Variants in NBEAL2 observed in about 807,000 individuals in gnomAD.
NBEAL2 encodes the protein neurobeachin-like protein 2.
NBEAL2 carries 160 observed loss-of-function variants against 299.8 expected under a neutral mutation model. The observed-to-expected ratio is 0.53, with a 90% CI of 0.47 to 0.61. NBEAL2 has a LOEUF of 0.61. Ranked by LOEUF, NBEAL2 falls within the 20% of genes least tolerant of loss-of-function variation. The pLI is 0.00. For missense variants in NBEAL2, 3,112 were observed against 3,649.0 expected (o/e 0.85, Z 3.79); for synonymous variants, 1,493 against 1,542.3 (o/e 0.97, Z 0.75).
Position 46,995,379 on chromosome 3 carries a change from C to T in NBEAL2, c.1644C>T (p.Gly548=), listed in dbSNP as rs375797054. 5.1e-5 allele frequency: 82 copies of T among 1,612,364 alleles called. No individual in the cohort carries two copies. The highest frequency in any genetic ancestry group is 6.4e-5 in the Non-Finnish European group (76 of 1,179,772). ...RPRPGLDSEP[G]GAEAGKARHA... is the part of the protein sequence containing the mutation. ...GGCCAGGATTGGACTCGGAACCAGG[C>T]GGAGCTGAGGCTGGAAAGGCCCGAC... is the stretch of plus-strand genomic sequence containing the variant. Residue 548 remains glycine, a synonymous_variant, in exon 13 of 54, where the codon GGC becomes GGT. Coordinates refer to ENST00000450053, the MANE Select transcript of NBEAL2 (RefSeq NM_015175.3).
intron 33 of NBEAL2, 55 bp from the exon 34 acceptor site, chr3:47,002,902 G>T: frequency 6.3e-7 from 1 of 1,596,106 alleles, no homozygotes. Context: ...GGCCAGGGAG[G>T]GATGGGGGTG....
Position 47,002,643 on chromosome 3 carries a change from A to C in NBEAL2, c.5302-2A>C, listed in dbSNP as rs1188824680. Reference sequence around the variant, plus strand: ...GGGACTGACCTATTACCCCCACCCCAGGAGCTGGTGCTGGAACCTGCGCAG... The same window carrying C: ...GGGACTGACCTATTACCCCCACCCCCGGAGCTGGTGCTGGAACCTGCGCAG... On this transcript the variant is annotated splice_acceptor_variant, in intron 32 of 53. Coordinates refer to ENST00000450053, the MANE Select transcript of NBEAL2 (RefSeq NM_015175.3). LOFTEE classifies it high-confidence loss of function. The C allele has an allele frequency of 1.2e-6, 2 of 1,609,242 alleles. No individual in the cohort carries two copies. The highest frequency in any genetic ancestry group is 1.7e-5 in the Admixed American group (1 of 59,454).
At position 47,005,558 on chromosome 3, in the gene NBEAL2, C is replaced by T. The variant is rs372718244; in HGVS notation, c.6630C>T (p.Ala2210=). 2.0e-5 allele frequency: 32 copies of T among 1,612,558 alleles called. No homozygotes were observed. Among genetic ancestry groups the T allele is most frequent in the East Asian group, 4.5e-5 (2 of 44,842 alleles). The change falls in exon 41 of 54, where the codon GCC becomes GCT. Residue 2210 remains alanine, a synonymous_variant. Coordinates refer to ENST00000450053, the MANE Select transcript of NBEAL2 (RefSeq NM_015175.3). ...AAWQARLESP[A]DVKELIPEFF... is the part of the protein sequence containing the mutation. ...GGCAGGCACGCCTGGAGAGCCCTGC[C>T]GATGTGAAGGAGCTCATCCCGGAAT...
In NBEAL2 at chr3:46,998,075, C is replaced by A. The variant is rs369249162; in HGVS notation, c.2967C>A (p.Ser989Arg). Residue 989 changes from serine (S) to arginine (R), a missense_variant, in exon 21 of 54, where the codon AGC (serine) becomes AGA (arginine). By Grantham distance (110) the Ser-to-Arg change is moderately radical. Around this residue, in one of 3 missense-constraint regions of NBEAL2, gnomAD observed 2,243 missense variants for 2,538.1 expected, o/e 0.88. Coordinates refer to ENST00000450053, the MANE Select transcript of NBEAL2 (RefSeq NM_015175.3). ...IIGALLRKVP[S>R]WAMDMNVLMS... Reference sequence around the variant, plus strand: ...CTCCTGTCTTATCCCAGGTCCCAAGCTGGGCCATGGACATGAACGTGCTCA... The same window carrying A: ...CTCCTGTCTTATCCCAGGTCCCAAGATGGGCCATGGACATGAACGTGCTCA... The A allele has an allele frequency of 1.3e-6, 2 of 1,569,138 alleles. No individual in the cohort carries two copies. Among genetic ancestry groups the A allele is most frequent in the African/African-American group, 1.4e-5 (1 of 73,778 alleles).
At position 46,995,423 on chromosome 3, in the gene NBEAL2, G is replaced by A. The variant is rs969127842; in HGVS notation, c.1688G>A (p.Arg563His). The A allele has an allele frequency of 1.1e-5, 18 of 1,612,686 alleles. No individual in the cohort carries two copies. Among genetic ancestry groups the A allele is most frequent in the African/African-American group, 8.0e-5 (6 of 74,944 alleles). The change falls in exon 13 of 54, where the codon CGC (arginine) becomes CAC (histidine). Residue 563 changes from arginine (R) to histidine (H), a missense_variant. Arg to His is a conservative substitution (Grantham distance 29). Transcript: ENST00000450053. ...GCCCGACACGCAGGTGCTGTCATCC[G>A]CACATTATCAGGCATGGCCAGGCAC... The part of the protein sequence containing the change: ...GKARHAGAVI[R>H]TLSGMARHQG...
At position 47,001,601 on chromosome 3, in the gene NBEAL2, C is replaced by A. The variant is rs1575613877; in HGVS notation, c.4645-88C>A. On this transcript the variant is annotated intron_variant, in intron 29 of 53. Coordinates refer to ENST00000450053, the MANE Select transcript of NBEAL2 (RefSeq NM_015175.3). This position sits in a 1 kb window ranked among gnomAD's most constrained non-coding sequence, Gnocchi z 6.1. ...GCCTGTGTGCACAAACCCTACCTGG[C>A]CCCCAGCGCAAACTTTACTTTGCTC... is the stretch of plus-strand genomic sequence containing the variant. The A allele has an allele frequency of 2.5e-6, 4 of 1,580,242 alleles. No individual in the cohort carries two copies. In the East Asian group the frequency reaches 9.0e-5, roughly 36 times the overall value.
chr3:46,985,332 T>C (rs2107267527), intron 1 of NBEAL2, among the ~76,000 whole-genome samples: 1 of 152,280 alleles, frequency 6.6e-6, no homozygotes, highest in Non-Finnish European at 1.5e-5. Flanking sequence ...TGCAATGGCC[T>C]TGGGGTACGT....
intron 12 of NBEAL2, 137 bp from the exon 13 acceptor site, chr3:46,994,895 C>T (rs1430455938): frequency 7.8e-7 from 1 of 1,290,106 alleles, no homozygotes; most frequent in Non-Finnish European, 1.0e-6. Flanking sequence ...TTTCCTGAGC[C>T]TCACACACAA....
At position 47,004,888 on chromosome 3, in the gene NBEAL2, G is replaced by A. The variant is rs1287298471; in HGVS notation, c.6295-84G>A. 4.2e-5 allele frequency: 64 copies of A among 1,537,398 alleles called. No homozygotes were observed. Among genetic ancestry groups the A allele is most frequent in the Admixed American group, 1.4e-4 (7 of 50,804 alleles). ...CAACCTGTGGGCAGGCTCTGTGCCC[G>A]CCTTCTTGAGGGTGTGGGCAGGGCA... On this transcript the variant is annotated intron_variant, in intron 38 of 53. Coordinates refer to ENST00000450053, the MANE Select transcript of NBEAL2 (RefSeq NM_015175.3). This position sits in a 1 kb window ranked among gnomAD's most constrained non-coding sequence, Gnocchi z 5.0.
intron 1 of NBEAL2, among the ~76,000 whole-genome samples, chr3:46,987,063 T>G (rs1313165907): frequency 6.6e-6 from 1 of 152,218 alleles, no homozygotes; most frequent in Non-Finnish European, 1.5e-5. Flanking sequence ...TGTCTGGGCT[T>G]CAGATCTGCA....
At chr3:46,993,084 C>T (rs1229349747) in intron 10 of NBEAL2, among the ~76,000 whole-genome samples, 4 of 152,218 alleles carry the variant, frequency 2.6e-5, no homozygotes, top group Non-Finnish European at 5.9e-5. Context: ...TGGGCCCCAA[C>T]CTCCATAGCC....
chr3:46,997,566 C>T lies in NBEAL2; in HGVS notation c.2830C>T (p.Arg944Trp), dbSNP rs374349472. Reference sequence around the variant, plus strand: ...CCCTTCCTGATGGCTGGCAGAGGAACGGATGGAGAGGAACGCAGTGGCTGC... The same window carrying T: ...CCCTTCCTGATGGCTGGCAGAGGAATGGATGGAGAGGAACGCAGTGGCTGC... The part of the protein sequence containing the change: ...VLPLGKSSEE[R>W]MERNAVAAFL... Residue 944 changes from arginine to tryptophan, a missense_variant, in exon 20 of 54, where the codon CGG (arginine) becomes TGG (tryptophan). By Grantham distance (101) the Arg-to-Trp change is moderately radical. Coordinates refer to ENST00000450053, the MANE Select transcript of NBEAL2 (RefSeq NM_015175.3). The T allele has an allele frequency of 5.0e-6, 8 of 1,593,538 alleles. No individual in the cohort carries two copies. Among genetic ancestry groups the T allele is most frequent in the Non-Finnish European group, 6.0e-6 (7 of 1,165,424 alleles).
chr3:46,997,570 T>C lies in NBEAL2; in HGVS notation c.2834T>C (p.Met945Thr). 1 of 1,596,086 alleles carries C rather than the reference T, an allele frequency of 6.3e-7. No homozygotes were observed. The highest frequency in any genetic ancestry group is 8.6e-7 in the Non-Finnish European group (1 of 1,167,020). The change falls in exon 20 of 54, where the codon ATG becomes ACG. Residue 945 changes from methionine to threonine, a missense_variant. By Grantham distance (81) the Met-to-Thr change is moderately conservative. This residue lies in a region of NBEAL2 where 2,243 missense variants were observed against 2,538.1 expected (regional missense o/e 0.88). Transcript: ENST00000450053. ...TCCTGATGGCTGGCAGAGGAACGGA[T>C]GGAGAGGAACGCAGTGGCTGCTTTT... ...LPLGKSSEER[M>T]ERNAVAAFLL...
Position 47,009,098 on chromosome 3 carries a change from G to C in NBEAL2, c.8137G>C (p.Val2713Leu). ...GGGCCTGGAGGATGGCAAGCTCATC[G>C]TGGTGGTCGCGGGGCAGCCCTCTGA... is the stretch of plus-strand genomic sequence containing the variant. ...LVGLEDGKLI[V>L]VVAGQPSEVR... is the part of the protein sequence containing the mutation. Residue 2713 changes from valine (V) to leucine (L), a missense_variant, in exon 53 of 54, where the codon GTG (valine) becomes CTG (leucine). Val to Leu is a conservative substitution (Grantham distance 32, BLOSUM62 1). Transcript: ENST00000450053. 1 of 1,598,940 alleles carries C rather than the reference G, an allele frequency of 6.3e-7. No homozygotes were observed. The highest frequency in any genetic ancestry group is 1.1e-5 in the South Asian group (1 of 90,260).
In NBEAL2 at chr3:46,998,969, C is replaced by T. The variant is rs757122731; in HGVS notation, c.3395C>T (p.Ala1132Val). 4.2e-5 allele frequency: 68 copies of T among 1,606,732 alleles called. No individual in the cohort carries two copies. Among genetic ancestry groups the T allele is most frequent in the African/African-American group, 5.3e-5 (4 of 74,794 alleles). The change falls in exon 24 of 54, where the codon GCG (alanine) becomes GTG (valine). Residue 1132 changes from alanine (A) to valine (V), a missense_variant. By Grantham distance (64) the Ala-to-Val change is moderately conservative. Transcript: ENST00000450053. ...ATGDDGQAVG[A>V]LDLLLALLHG... ...ACCCTGCATCCCCAGGCGGTGGGTG[C>T]GCTGGACCTGCTGCTGGCCCTGCTG...
intron 14 of NBEAL2, 30 bp from the exon 15 acceptor site, chr3:46,995,902 G>A (rs764297872): frequency 3.1e-6 from 5 of 1,613,204 alleles, no homozygotes; most frequent in Non-Finnish European, 4.2e-6. Context: ...TGAGTCCCAA[G>A]TATGGCCTAA....
Position 47,000,387 on chromosome 3 carries a change from A to T in NBEAL2, c.4288A>T (p.Asn1430Tyr), listed in dbSNP as rs1347445784. ...EPTISGDDTS[N>Y]TSNPQQTSEE... ...CACCATTAGCGGGGATGATACCTCG[A>T]ACACCAGCAACCCACAGGTGAGGTG... Residue 1430 changes from asparagine to tyrosine, a missense_variant, in exon 27 of 54, where the codon AAC (asparagine) becomes TAC (tyrosine). Asn to Tyr is a moderately radical substitution (Grantham distance 143). This residue lies in a region of NBEAL2 where 2,243 missense variants were observed against 2,538.1 expected (regional missense o/e 0.88). Coordinates refer to ENST00000450053, the MANE Select transcript of NBEAL2 (RefSeq NM_015175.3). This position sits in a 1 kb window ranked among gnomAD's most constrained non-coding sequence, Gnocchi z 4.5. The T allele has an allele frequency of 6.4e-7, 1 of 1,573,908 alleles. No homozygotes were observed. The highest frequency in any genetic ancestry group is 1.3e-5 in the African/African-American group (1 of 74,330).
At position 46,996,734 on chromosome 3, in the gene NBEAL2, C is replaced by G; in HGVS notation, c.2474-17C>G. 2 of 1,609,664 alleles carry G rather than the reference C, an allele frequency of 1.2e-6. No individual in the cohort carries two copies. Among genetic ancestry groups the G allele is most frequent in the African/African-American group, 1.3e-5 (1 of 74,974 alleles). ...CAGAGGCCTAGCAAGGTCTGAAGCC[C>G]CCTGCCCACCTCCCAGGGCCCAATG... On this transcript the variant is annotated splice_polypyrimidine_tract_variant and intron_variant, in intron 16 of 53. Coordinates refer to ENST00000450053, the MANE Select transcript of NBEAL2 (RefSeq NM_015175.3).
chr3:46,996,917 T>C (rs745468589), intron 17 of NBEAL2, 37 bp from the exon 18 acceptor site: 1 of 1,610,134 alleles, frequency 6.2e-7, no homozygotes, highest in Admixed American at 1.7e-5. Context: ...CCCTCCTCCC[T>C]CTGACCCTGG....
Sources: gnomAD v4.1 joint callset for allele counts (sites outside exome capture counted in the v4.1 genomes callset) on GRCh38, gnomAD v4.1.1 for gene constraint, gnomAD v4.1.1 regional missense constraint, Gnocchi (gnomAD v3.1) non-coding constraint, MANE v1.5 for transcripts, NCBI Gene and HGNC (gene_info 2026-07-23, HGNC 2026-07-21) for gene names.